Variants in CCDC83 observed in about 807,000 individuals in gnomAD.
The protein encoded by CCDC83 is coiled-coil domain-containing protein 83.
In CCDC83, 54 loss-of-function variants were observed where a neutral mutation model predicts 50.1. The observed-to-expected ratio is 1.08, with a 90% CI of 0.87 to 1.35. CCDC83 has a LOEUF of 1.35. Among genes scored for constraint, CCDC83 ranks in the 40% most tolerant of loss-of-function variants. The pLI is 0.00. For synonymous variants in CCDC83, 161 were observed against 153.3 expected, an observed-to-expected ratio of 1.05 and a Z score of -0.37; for missense variants, 518 against 473.9, an observed-to-expected ratio of 1.09 and a Z score of -0.86.
intron 6 of CCDC83, among the ~76,000 whole-genome samples, chr11:85,897,654 TG>T (rs2093381500): frequency 1.3e-5 from 2 of 152,318 alleles, no homozygotes; most frequent in South Asian, 4.1e-4. Flanking sequence ...ACTGATCCAC[TG>T]TTAGTGAATC....
intron 8 of CCDC83, among the ~76,000 whole-genome samples, chr11:85,914,783 C>T (rs150403780): frequency 1.3e-3 from 205 of 152,256 alleles, no homozygotes; most frequent in African/African-American, 4.7e-3. Flanking sequence ...TAAAAAACTG[C>T]CCGAGACTGG....
intron 5 of CCDC83, among the ~76,000 whole-genome samples, chr11:85,894,861 AT>A (rs2093365444): frequency 1.3e-5 from 2 of 152,184 alleles, no homozygotes; most frequent in African/African-American, 4.8e-5. Context: ...AGGGATATTG[AT>A]TTCATGATCT....
chr11:85,868,313 C>T (rs968229240), intron 2 of CCDC83, among the ~76,000 whole-genome samples: 3 of 151,960 alleles, frequency 2.0e-5, no homozygotes, highest in Admixed American at 2.0e-4. Context: ...AGAATATGGT[C>T]GTGAGTGAAA....
In CCDC83 at chr11:85,886,179, C is replaced by T. The variant is rs776466449; in HGVS notation, c.344-21C>T. On this transcript the variant is annotated intron_variant, in intron 4 of 10. Coordinates refer to ENST00000342404, the MANE Select transcript of CCDC83 (RefSeq NM_001286159.2). Reference sequence around the variant, plus strand: ...GGTTACAAGGAAAACAGAAATGACACAGTGTCTTTATTTTCAACAGATATG... The same window carrying T: ...GGTTACAAGGAAAACAGAAATGACATAGTGTCTTTATTTTCAACAGATATG... 13 of 1,504,860 alleles carry T rather than the reference C, an allele frequency of 8.6e-6. No homozygotes were observed. In the East Asian group the frequency reaches 9.4e-5, roughly 11 times the overall value. The allele number at this position is 1,504,860 out of a possible 1,614,324, so 93.2% of individuals were successfully genotyped here. A position where few individuals can be genotyped will look rare whatever the true frequency, so the allele number is the denominator to read the frequency against.
At chr11:85,873,504 G>T (rs888723427) in intron 3 of CCDC83, among the ~76,000 whole-genome samples, 1 of 152,174 alleles carries the variant, frequency 6.6e-6, no homozygotes, top group Non-Finnish European at 1.5e-5. Flanking sequence ...GTCAGTGGAA[G>T]TTGGGTTGAA....
intron 8 of CCDC83, among the ~76,000 whole-genome samples, chr11:85,914,605 G>A (rs1241443738): frequency 6.6e-6 from 1 of 152,066 alleles, no homozygotes; most frequent in Non-Finnish European, 1.5e-5. Context: ...CTATCATTCC[G>A]CACCTGAAAT....
At position 85,919,356 on chromosome 11, in the gene CCDC83, T is replaced by A; in HGVS notation, c.1088T>A (p.Val363Glu). The change falls in exon 11 of 11, where the codon GTA becomes GAA. Residue 363 changes from valine to glutamate, a missense_variant. Val to Glu is a moderately radical substitution (Grantham distance 121, BLOSUM62 -2). Transcript: ENST00000342404. ...YEDEKDFKDYVNLGPLGVKLM... is the reference protein window; with the variant it reads ...YEDEKDFKDYENLGPLGVKLM... ...TGTGCCTGTTCACCATAGGATTATG[T>A]AAACTTGGGCCCCCTGGGAGTGAAG... is the stretch of plus-strand genomic sequence containing the variant. 1 of 1,599,130 alleles carries A rather than the reference T, an allele frequency of 6.3e-7. No homozygotes were observed. Among genetic ancestry groups the A allele is most frequent in the East Asian group, 2.2e-5 (1 of 44,804 alleles).
intron 8 of CCDC83, among the ~76,000 whole-genome samples, chr11:85,914,225 C>T (rs1220879030): frequency 6.6e-6 from 1 of 152,220 alleles, no homozygotes; most frequent in Non-Finnish European, 1.5e-5. Context: ...AAATAACTCA[C>T]AGCCCCTAAT....
chr11:85,860,599 A>T (rs1474715206), intron 1 of CCDC83, among the ~76,000 whole-genome samples: 1 of 152,176 alleles, frequency 6.6e-6, no homozygotes, highest in Non-Finnish European at 1.5e-5. Context: ...AGAACTTAAA[A>T]CAGAAATACC....
chr11:85,856,586 TA>T, intron 1 of CCDC83, among the ~76,000 whole-genome samples: 1 of 152,178 alleles, frequency 6.6e-6, no homozygotes, highest in South Asian at 2.1e-4. Context: ...AAGACTCCAA[TA>T]TCTTTGGGTA....
In CCDC83 at chr11:85,911,315, A is replaced by G. The variant is rs137945995; in HGVS notation, c.707A>G (p.Lys236Arg). Residue 236 changes from lysine to arginine, a missense_variant, in exon 8 of 11, where the codon AAA (lysine) becomes AGA (arginine). By Grantham distance (26) the Lys-to-Arg change is conservative. Transcript: ENST00000342404. ...CACAGGAAGGAAGTTGAAGAATTAA[A>G]AAATGCTATTCATGAACTGGAAGCA... ...AIHRKEVEEL[K>R]NAIHELEAEN... 1.7e-4 allele frequency: 277 copies of G among 1,611,048 alleles called. No individual in the cohort carries two copies. Among genetic ancestry groups the G allele is most frequent in the Non-Finnish European group, 2.2e-4 (262 of 1,178,552 alleles).
chr11:85,911,551 AG>A, intron 8 of CCDC83, 149 bp downstream of exon 8: 1 of 631,400 alleles, frequency 1.6e-6, no homozygotes, highest in Non-Finnish European at 2.6e-6. Flanking sequence ...CTCATGGTGA[AG>A]GTATAGGATT....
intron 1 of CCDC83, among the ~76,000 whole-genome samples, chr11:85,857,916 G>C (rs142914145): frequency 6.8e-4 from 104 of 152,348 alleles, no homozygotes; most frequent in African/African-American, 2.5e-3. Context: ...CACAGGCTGT[G>C]TTAACATCAT....
intron 7 of CCDC83, among the ~76,000 whole-genome samples, chr11:85,908,006 A>G (rs2093433225): frequency 6.6e-6 from 1 of 152,174 alleles, no homozygotes; most frequent in African/African-American, 2.4e-5. Context: ...TCCTTAAGGC[A>G]TTCAAGCTTG....
intron 1 of CCDC83, among the ~76,000 whole-genome samples, chr11:85,857,129 A>G (rs550546523): frequency 6.6e-6 from 1 of 152,180 alleles, no homozygotes; most frequent in African/African-American, 2.4e-5. Context: ...ATTGGCCTGG[A>G]CTTCTGGGGA....
chr11:85,914,803 A>G (rs751830548), intron 8 of CCDC83, among the ~76,000 whole-genome samples: 7 of 152,172 alleles, frequency 4.6e-5, no homozygotes, highest in African/African-American at 9.7e-5. Flanking sequence ...GGTAATTTAG[A>G]AAAGAAAGAG....
chr11:85,863,273 T>C (rs2153682076), intron 1 of CCDC83, among the ~76,000 whole-genome samples: 1 of 152,370 alleles, frequency 6.6e-6, no homozygotes, highest in South Asian at 2.1e-4. Flanking sequence ...AAAATTCTAA[T>C]TCTAAAATGG....
At chr11:85,891,994 T>C (rs1170335126) in intron 5 of CCDC83, among the ~76,000 whole-genome samples, 1 of 152,172 alleles carries the variant, frequency 6.6e-6, no homozygotes, top group Non-Finnish European at 1.5e-5. Flanking sequence ...GTGTTTCTGC[T>C]AGCTCCTGTT....
chr11:85,906,938 T>C (rs2093428651), intron 7 of CCDC83, among the ~76,000 whole-genome samples: 1 of 152,010 alleles, frequency 6.6e-6, no homozygotes, highest in African/African-American at 2.4e-5. Context: ...CAAATCATTT[T>C]ATGGAAATGT....
Sources: gnomAD v4.1 joint callset for allele counts (sites outside exome capture counted in the v4.1 genomes callset) on GRCh38, gnomAD v4.1.1 for gene constraint, MANE v1.5 for transcripts, NCBI Gene and HGNC (gene_info 2026-07-23, HGNC 2026-07-21) for gene names.